Variants in LHFPL3 observed in about 807,000 individuals in gnomAD.
LHFPL3 encodes LHFPL tetraspan subfamily member 3 protein.
Under a neutral mutation model 19.3 loss-of-function variants are expected in LHFPL3, and 5 were observed. The ratio of observed to expected loss-of-function variants is 0.26; its 90% CI spans 0.14 to 0.54. The LOEUF (loss-of-function observed/expected upper bound fraction) is 0.54. LHFPL3 is among the 20% of genes least tolerant of loss of function. The probability of loss-of-function intolerance (pLI) is 0.94; values close to 1 mark genes in which losing one functional copy is unlikely to be tolerated. For missense variants in LHFPL3, 249 were observed against 307.4 expected, an observed-to-expected ratio of 0.81 and a Z score of 1.42; for synonymous variants, 133 against 126.2, an observed-to-expected ratio of 1.05 and a Z score of -0.36.
At chr7:104,381,869 A>G (rs1273424185) in intron 1 of LHFPL3, among the ~76,000 whole-genome samples, 1 of 152,208 alleles carries the variant, frequency 6.6e-6, no homozygotes, top group Non-Finnish European at 1.5e-5. Context: ...CTTCCACTGA[A>G]ACAGAAGTAT....
intron 1 of LHFPL3, among the ~76,000 whole-genome samples, chr7:104,583,349 A>G (rs1416304290): frequency 6.6e-6 from 1 of 152,250 alleles, no homozygotes; most frequent in African/African-American, 2.4e-5. Context: ...ACCTAAAACC[A>G]TAAAAACCCT....
chr7:104,768,395 T>A (rs1464013820), intron 2 of LHFPL3, among the ~76,000 whole-genome samples: 2 of 152,078 alleles, frequency 1.3e-5, no homozygotes, highest in Non-Finnish European at 2.9e-5. Context: ...GGGAGTGCAA[T>A]CACCCTTGGC....
At chr7:104,543,242 A>G (rs1794521517) in intron 1 of LHFPL3, among the ~76,000 whole-genome samples, 1 of 152,088 alleles carries the variant, frequency 6.6e-6, no homozygotes. Flanking sequence ...TAGAATGGCG[A>G]TCATTAAAAA....
At chr7:104,406,197 C>T (rs1584297674) in intron 1 of LHFPL3, among the ~76,000 whole-genome samples, 2 of 152,190 alleles carry the variant, frequency 1.3e-5, no homozygotes, top group Admixed American at 1.3e-4. Flanking sequence ...AGCTGGGATC[C>T]ACGAATGAGG....
intron 1 of LHFPL3, among the ~76,000 whole-genome samples, chr7:104,435,513 T>A: frequency 6.6e-6 from 1 of 150,794 alleles, no homozygotes; most frequent in East Asian, 1.9e-4. Context: ...ATATTTTTTA[T>A]AAAAAAAGTC....
intron 1 of LHFPL3, among the ~76,000 whole-genome samples, chr7:104,531,807 T>G (rs1225966762): frequency 6.6e-6 from 1 of 152,194 alleles, no homozygotes; most frequent in Non-Finnish European, 1.5e-5. Context: ...GGTTATAACC[T>G]CATTCTTCCA....
Position 104,441,808 on chromosome 7 carries a change from T to A in LHFPL3, c.445+112584T>A, listed in dbSNP as rs562965905. On this transcript the variant is annotated intron_variant, in intron 1 of 2. Transcript: ENST00000424859. The stretch of plus-strand genomic sequence containing the variant: ...CCAGGCTGGTCTCGAACTCCTGACC[T>A]CATGATCCGCCCACCTCGGCCTCCC... Among the ~76,000 whole-genome samples, 58 of 152,312 alleles carry A rather than the reference T, an allele frequency of 3.8e-4. 1 individual carries two copies. In the East Asian group the frequency reaches 0.01, roughly 27 times the overall value.
At chr7:104,526,523 G>A (rs1453928271) in intron 1 of LHFPL3, among the ~76,000 whole-genome samples, 1 of 152,206 alleles carries the variant, frequency 6.6e-6, no homozygotes, top group Non-Finnish European at 1.5e-5. Context: ...ATAATGGCCA[G>A]TGCCAACTTG....
chr7:104,509,713 A>G (rs184014375), intron 1 of LHFPL3, among the ~76,000 whole-genome samples: 189 of 152,226 alleles, frequency 1.2e-3, no homozygotes, highest in African/African-American at 4.3e-3. Flanking sequence ...CTTATTCAAC[A>G]TAGTGCCAGA....
intron 1 of LHFPL3, among the ~76,000 whole-genome samples, chr7:104,610,399 AAGAG>A (rs147861540): frequency 9.9e-5 from 15 of 150,850 alleles, no homozygotes; most frequent in Admixed American, 2.0e-4. Flanking sequence ...AGAAACAGAA[AAGAG>A]AGAGAGAGAG....
chr7:104,816,662 G>C (rs1790564305), intron 2 of LHFPL3, among the ~76,000 whole-genome samples: 1 of 152,192 alleles, frequency 6.6e-6, no homozygotes, highest in Non-Finnish European at 1.5e-5. Context: ...CACTTTTAAA[G>C]TGAACTTCAG....
intron 1 of LHFPL3, among the ~76,000 whole-genome samples, chr7:104,374,327 C>T (rs1396979282): frequency 1.3e-5 from 2 of 151,958 alleles, no homozygotes; most frequent in South Asian, 4.2e-4. Context: ...CTGCAACCTC[C>T]ACCTCCTGGG....
intron 2 of LHFPL3, chr7:104,799,883 G>C (rs529840793): frequency 6.5e-6 from 1 of 153,230 alleles, no homozygotes. Flanking sequence ...CCAAGCACGC[G>C]TTCAGCTGTT....
chr7:104,652,414 T>C (rs1348008802), intron 1 of LHFPL3, among the ~76,000 whole-genome samples: 1 of 152,178 alleles, frequency 6.6e-6, no homozygotes, highest in East Asian at 1.9e-4. Flanking sequence ...TATTTTGTTT[T>C]ATTGATATAT....
chr7:104,471,759 T>C (rs144410784), intron 1 of LHFPL3, among the ~76,000 whole-genome samples: 5 of 152,364 alleles, frequency 3.3e-5, no homozygotes, highest in African/African-American at 1.2e-4. Flanking sequence ...TTCACGTTTA[T>C]TATTTTCCGT....
At chr7:104,606,582 C>T (rs1052419504) in intron 1 of LHFPL3, among the ~76,000 whole-genome samples, 4 of 152,286 alleles carry the variant, frequency 2.6e-5, no homozygotes, top group Non-Finnish European at 5.9e-5. Context: ...AAGTGAGATC[C>T]TATATGAGAA....
At chr7:104,468,672 T>C (rs938318136) in intron 1 of LHFPL3, among the ~76,000 whole-genome samples, 6 of 151,542 alleles carry the variant, frequency 4.0e-5, no homozygotes, top group Admixed American at 3.9e-4. Flanking sequence ...TTTTTTTTTT[T>C]TTCCGAGTTG....
At chr7:104,355,445 C>G (rs1246427953) in intron 1 of LHFPL3, among the ~76,000 whole-genome samples, 6 of 152,102 alleles carry the variant, frequency 3.9e-5, no homozygotes, top group Admixed American at 3.9e-4. Context: ...CCCCTGTGAC[C>G]CAGACACTCT....
rs118164807 is a variant in LHFPL3 at position 104,894,463 on chromosome 7, C to G, written c.683-11724C>G. ...GGACATCATTTAACTCAGAGCATGACCACATTCATAAAACAGAAGACAGTC... is the reference window on the plus strand; with the variant it reads ...GGACATCATTTAACTCAGAGCATGAGCACATTCATAAAACAGAAGACAGTC... On this transcript the variant is annotated intron_variant, in intron 2 of 2. Transcript: ENST00000424859. Among the ~76,000 whole-genome samples, 16 of 152,256 alleles carry G rather than the reference C, an allele frequency of 1.1e-4. No individual in the cohort carries two copies. The East Asian group carries it at 2.5e-3, about 24-fold the overall frequency.
Sources: allele counts gnomAD v4.1 joint callset (sites outside exome capture counted in the v4.1 genomes callset), GRCh38; gene constraint gnomAD v4.1.1; transcripts MANE v1.5; gene names NCBI Gene and HGNC (gene_info 2026-07-23, HGNC 2026-07-21).